Variants in CARD10 observed in about 807,000 individuals in gnomAD.
CARD10 encodes caspase recruitment domain-containing protein 10.
CARD10 carries 49 observed loss-of-function variants against 114.6 expected under a neutral mutation model. The ratio of observed to expected loss-of-function variants is 0.43; its 90% CI spans 0.34 to 0.54. The LOEUF (loss-of-function observed/expected upper bound fraction) is 0.54, where lower values mean the gene tolerates loss of function less well. CARD10 is among the 20% of genes least tolerant of loss of function. The pLI, the probability that CARD10 is intolerant of heterozygous loss-of-function variation, is 0.03. For synonymous variants in CARD10, 602 were observed against 593.2 expected (o/e 1.01, Z -0.21); for missense variants, 1,206 against 1,397.2 (o/e 0.86, Z 2.18).
In CARD10 at chr22:37,516,113, G is replaced by T. The variant is rs772415402; in HGVS notation, c.559C>A (p.Arg187=). 1.9e-6 allele frequency: 3 copies of T among 1,596,008 alleles called. No individual in the cohort carries two copies. The highest frequency in any genetic ancestry group is 4.5e-5 in the East Asian group (2 of 43,996). ...CCCGCCTCCCAGTCCTCCCGCAGCC[G>T]TTGACAGCGCTCCTGAGCCTGCTGC... ...DQQQAQERCQ[R]LREDWEAGSL... Residue 187 remains arginine, a synonymous_variant, in exon 3 of 20, where the codon CGG becomes AGG. Transcript: ENST00000251973.
chr22:37,491,262 T>C lies in CARD10; in HGVS notation c.2996A>G (p.Glu999Gly). Residue 999 changes from glutamate to glycine, a missense_variant, in exon 20 of 20, where the codon GAG becomes GGG. Glu to Gly is a moderately conservative substitution (Grantham distance 98). Coordinates refer to ENST00000251973, the MANE Select transcript of CARD10 (RefSeq NM_014550.4). ...GCGGCCGCGCACCACCTTGGCCAGC[T>C]CCTCTGCGTGTCCCCACTCATGGGC... ...VPAHEWGHAE[E>G]LAKVVRGRIL... 2 of 1,568,200 alleles carry C rather than the reference T, an allele frequency of 1.3e-6. No homozygotes were observed. Among genetic ancestry groups the C allele is most frequent in the Non-Finnish European group, 1.7e-6 (2 of 1,162,566 alleles).
chr22:37,494,362 C>A, intron 15 of CARD10, 174 bp from the exon 16 acceptor site: 1 of 603,010 alleles, frequency 1.7e-6, no homozygotes, highest in Admixed American at 2.9e-5. Context: ...CCTGCCCCTC[C>A]CCAGCCCAGC....
intron 16 of CARD10, 123 bp downstream of exon 16, chr22:37,493,963 T>G: frequency 1.3e-6 from 1 of 755,952 alleles, no homozygotes; most frequent in Non-Finnish European, 2.3e-6. Context: ...CCCACTCCTG[T>G]TGGAACCCTC....
At position 37,510,399 on chromosome 22, in the gene CARD10, A is replaced by G; in HGVS notation, c.722T>C (p.Val241Ala). The G allele has an allele frequency of 6.2e-7, 1 of 1,613,680 alleles. No individual in the cohort carries two copies. ...QLAVDQLKLK[V>A]SRLEEECALL... ...TGCACACTCTTCCTCCAGCCGACTC[A>G]CTTTGAGCTTGAGCTGATCCACCTG... Residue 241 changes from valine (V) to alanine (A), a missense_variant, in exon 4 of 20, where the codon GTG becomes GCG. Val to Ala is a moderately conservative substitution (Grantham distance 64). Around this residue, in one of 2 missense-constraint regions of CARD10, gnomAD observed 1,068 missense variants for 1,179.1 expected, o/e 0.91. Transcript: ENST00000251973.
At position 37,518,125 on chromosome 22, in the gene CARD10, G is replaced by A. The variant is rs897217034; in HGVS notation, c.236-17C>T. On this transcript the variant is annotated splice_polypyrimidine_tract_variant and intron_variant, in intron 1 of 19. Transcript: ENST00000251973. ...TCAGGCGCCCTACAGAGTAGTGGGGGGATGTACCCAGGGTCTAGGGGAAGG... is the reference window on the plus strand; with the variant it reads ...TCAGGCGCCCTACAGAGTAGTGGGGAGATGTACCCAGGGTCTAGGGGAAGG... The A allele has an allele frequency of 2.5e-6, 4 of 1,611,196 alleles. No homozygotes were observed. The highest frequency in any genetic ancestry group is 2.7e-5 in the African/African-American group (2 of 74,884).
At position 37,495,595 on chromosome 22, in the gene CARD10, G is replaced by A; in HGVS notation, c.2304-9C>T. The A allele has an allele frequency of 1.9e-6, 3 of 1,613,478 alleles. No homozygotes were observed. Among genetic ancestry groups the A allele is most frequent in the East Asian group, 2.2e-5 (1 of 44,858 alleles). Reference sequence around the variant, plus strand: ...CTAGGAGCTGCTGGGCTCTGTGGGAGGGAGTGACATCATGTGTGTAGAAAG... The same window carrying A: ...CTAGGAGCTGCTGGGCTCTGTGGGAAGGAGTGACATCATGTGTGTAGAAAG... On this transcript the variant is annotated splice_polypyrimidine_tract_variant and intron_variant, in intron 14 of 19. Coordinates refer to ENST00000251973, the MANE Select transcript of CARD10 (RefSeq NM_014550.4).
At chr22:37,508,497 A>T in intron 5 of CARD10, 30 bp downstream of exon 5, 1 of 1,562,330 alleles carries the variant, frequency 6.4e-7, no homozygotes, top group Admixed American at 1.8e-5. Flanking sequence ...ACCCTCCCGC[A>T]CAAGGGGCAG....
chr22:37,509,229 G>A (rs886096765), intron 4 of CARD10: 1 of 1,236,624 alleles, frequency 8.1e-7, no homozygotes. Flanking sequence ...CCATGCAGCT[G>A]CTGACCTGCC....
intron 11 of CARD10, among the ~76,000 whole-genome samples, chr22:37,499,394 TG>T (rs1459026861): frequency 6.6e-6 from 1 of 152,144 alleles, no homozygotes; most frequent in Non-Finnish European, 1.5e-5. Flanking sequence ...ACCTCTCGCT[TG>T]CCTCAGTTTC....
intron 3 of CARD10, among the ~76,000 whole-genome samples, chr22:37,515,344 C>T (rs1414910207): frequency 6.6e-6 from 1 of 152,088 alleles, no homozygotes; most frequent in Non-Finnish European, 1.5e-5. Flanking sequence ...GGGCAGATCA[C>T]CTGAGGTCAG....
intron 7 of CARD10, among the ~76,000 whole-genome samples, chr22:37,505,926 G>GA (rs1923389058): frequency 6.6e-6 from 1 of 152,154 alleles, no homozygotes; most frequent in Non-Finnish European, 1.5e-5. Context: ...TAAATGCAAA[G>GA]ACCAGCTCCA....
At chr22:37,507,775 C>A (rs1923462534) in intron 6 of CARD10, 54 bp downstream of exon 6, 1 of 1,609,034 alleles carries the variant, frequency 6.2e-7, no homozygotes, top group Non-Finnish European at 8.5e-7. Flanking sequence ...TTGTCTCCTC[C>A]CATATGGGAA....
At chr22:37,511,152 G>C (rs1254842824) in intron 3 of CARD10, among the ~76,000 whole-genome samples, 1 of 150,974 alleles carries the variant, frequency 6.6e-6, no homozygotes, top group African/African-American at 2.4e-5. Flanking sequence ...CGGGCAGATG[G>C]AGACTAGCCT....
In CARD10 at chr22:37,515,624, G is replaced by A. The variant is rs550397428; in HGVS notation, c.699+349C>T. On this transcript the variant is annotated intron_variant, in intron 3 of 19. Coordinates refer to ENST00000251973, the MANE Select transcript of CARD10 (RefSeq NM_014550.4). ...TCATAACCCAGTGTTTCTTGGCCCC[G>A]GCCCTACCGATGTTTTAGGCTAGGT... is the stretch of plus-strand genomic sequence containing the variant. Among the ~76,000 whole-genome samples the A allele has an allele frequency of 8.0e-5, 12 of 150,606 alleles. No individual in the cohort carries two copies. The East Asian group carries it at 1.8e-3, about 22-fold the overall frequency.
At chr22:37,513,606 G>C (rs1421506447) in intron 3 of CARD10, among the ~76,000 whole-genome samples, 2 of 152,050 alleles carry the variant, frequency 1.3e-5, no homozygotes, top group African/African-American at 4.8e-5. Flanking sequence ...CAAGCCGTGA[G>C]GGCTGCAGCC....
chr22:37,509,821 G>T (rs1306429448), intron 4 of CARD10, among the ~76,000 whole-genome samples: 2 of 41,578 alleles, frequency 4.8e-5, no homozygotes, highest in Non-Finnish European at 9.1e-5. Context: ...CTGACCTCCT[G>T]CCAGCCTGTG....
In CARD10 at chr22:37,491,049, C is replaced by T; in HGVS notation, c.*110G>A. On this transcript the variant is annotated 3_prime_UTR_variant, in exon 20 of 20. Coordinates refer to ENST00000251973, the MANE Select transcript of CARD10 (RefSeq NM_014550.4). ...TGAGAGGCCAGAGCCAAGGGCCCTG[C>T]ATCTGAGAGTCCAAGGGTCTAGGAA... 2 of 864,942 alleles carry T rather than the reference C, an allele frequency of 2.3e-6. No homozygotes were observed. Among genetic ancestry groups the T allele is most frequent in the Non-Finnish European group, 3.6e-6 (2 of 559,018 alleles). 53.6% of individuals were successfully genotyped at this position (864,942 alleles called of 1,614,324 possible).
chr22:37,505,182 A>G (rs1923361615), intron 7 of CARD10, among the ~76,000 whole-genome samples: 1 of 151,876 alleles, frequency 6.6e-6, no homozygotes, highest in Non-Finnish European at 1.5e-5. Flanking sequence ...CCACAGAACC[A>G]GGCGAGAGGA....
intron 11 of CARD10, among the ~76,000 whole-genome samples, chr22:37,499,601 CTCT>C (rs902028707): frequency 3.3e-5 from 5 of 151,802 alleles, no homozygotes; most frequent in African/African-American, 9.7e-5. Context: ...GTTTTTCAGG[CTCT>C]TCTTGACAAC....
Sources: allele counts gnomAD v4.1 joint callset (sites outside exome capture counted in the v4.1 genomes callset), GRCh38; gene constraint gnomAD v4.1.1; regional missense constraint gnomAD v4.1.1; transcripts MANE v1.5; gene names NCBI Gene and HGNC (gene_info 2026-07-23, HGNC 2026-07-21).